The following NXPE2 variants were observed in gnomAD, a reference collection of about 807,000 sequenced individuals.
NXPE2 encodes the protein NXPE family member 2.
A neutral mutation model predicts 34.4 loss-of-function variants in NXPE2; 34 were observed. The ratio of observed to expected loss-of-function variants is 0.99; its 90% CI spans 0.75 to 1.31. NXPE2 has a LOEUF of 1.31. Ranked by LOEUF, NXPE2 falls within the 40% of genes most tolerant of loss-of-function variation. NXPE2 has a pLI of 0.00. For missense variants in NXPE2, 649 were observed against 672.5 expected (o/e 0.97, Z 0.39); for synonymous variants, 235 against 231.3 (o/e 1.02, Z -0.15).
chr11:114,522,878 C>A, the NXPE2 span: 29 of 1,606,824 alleles, frequency 1.8e-5, no homozygotes, highest in African/African-American at 3.7e-4. Context: ...TAACTACCTA[C>A]TTTTTACAAC....
chr11:114,738,665 A>G, the NXPE2 span, among the ~76,000 whole-genome samples: 6 of 152,152 alleles, frequency 3.9e-5, no homozygotes, highest in Admixed American at 3.9e-4. Flanking sequence ...TTCAACCTTC[A>G]ACTATAATGA....
At chr11:114,553,862 A>C in the NXPE2 span, 1 of 960,920 alleles carries the variant, frequency 1.0e-6, no homozygotes, top group Non-Finnish European at 1.2e-6. Flanking sequence ...TGGTAGCTTG[A>C]AATAGGCCAT....
chr11:114,525,153 A>C, the NXPE2 span, among the ~76,000 whole-genome samples: 1 of 151,692 alleles, frequency 6.6e-6, no homozygotes, highest in Non-Finnish European at 1.5e-5. Flanking sequence ...AGACATAAAC[A>C]TGGCTTCTGC....
At chr11:114,626,768 T>C in the NXPE2 span, among the ~76,000 whole-genome samples, 1 of 151,984 alleles carries the variant, frequency 6.6e-6, no homozygotes, top group Non-Finnish European at 1.5e-5. Flanking sequence ...TTGAAAACTT[T>C]GAAAAAAATT....
the NXPE2 span, among the ~76,000 whole-genome samples, chr11:114,496,882 C>T: frequency 1.3e-5 from 2 of 152,122 alleles, no homozygotes; most frequent in African/African-American, 2.4e-5. Flanking sequence ...TGTGCTGATG[C>T]TGGTGTAAAC....
At chr11:114,504,918 A>C in the NXPE2 span, among the ~76,000 whole-genome samples, 1 of 152,188 alleles carries the variant, frequency 6.6e-6, no homozygotes, top group East Asian at 1.9e-4. Flanking sequence ...AATTTAGTAT[A>C]TGGACAGGTA....
the NXPE2 span, among the ~76,000 whole-genome samples, chr11:114,725,822 A>T: frequency 6.6e-6 from 1 of 151,678 alleles, no homozygotes. Context: ...TTGGTTTCAC[A>T]TCCTCATTGT....
chr11:114,751,970 G>A, the NXPE2 span, among the ~76,000 whole-genome samples: 2 of 152,336 alleles, frequency 1.3e-5, no homozygotes, highest in East Asian at 3.9e-4. Flanking sequence ...AATATGGGCA[G>A]CCTCTAGAAT....
the NXPE2 span, among the ~76,000 whole-genome samples, chr11:114,549,849 T>C: frequency 6.6e-6 from 1 of 151,912 alleles, no homozygotes; most frequent in East Asian, 1.9e-4. Flanking sequence ...AATGGAGAAA[T>C]GACTACAAAT....
At chr11:114,606,659 G>A in the NXPE2 span, among the ~76,000 whole-genome samples, 1 of 152,006 alleles carries the variant, frequency 6.6e-6, no homozygotes, top group African/African-American at 2.4e-5. Context: ...TTACTCGGTG[G>A]ATAGTAAGTA....
At chr11:114,546,444 T>TA in the NXPE2 span, among the ~76,000 whole-genome samples, 2 of 149,978 alleles carry the variant, frequency 1.3e-5, no homozygotes, top group Admixed American at 1.3e-4. Context: ...CTGGCTAGTA[T>TA]CATACATATA....
the NXPE2 span, chr11:114,522,168 C>G: frequency 1.2e-5 from 19 of 1,614,020 alleles, no homozygotes; most frequent in Admixed American, 1.5e-4. Context: ...ATGTGCATCT[C>G]CCTGATGTTT....
the NXPE2 span, chr11:114,551,118 A>C: frequency 6.6e-7 from 1 of 1,522,642 alleles, no homozygotes; most frequent in South Asian, 1.2e-5. Flanking sequence ...TGAAGTTCTG[A>C]GAAATTATAA....
chr11:114,629,088 G>C, the NXPE2 span, among the ~76,000 whole-genome samples: 1 of 152,036 alleles, frequency 6.6e-6, no homozygotes, highest in Non-Finnish European at 1.5e-5. Flanking sequence ...AATTCTACCA[G>C]AGGTACAAGG....
the NXPE2 span, among the ~76,000 whole-genome samples, chr11:114,634,806 C>G: frequency 6.6e-6 from 1 of 151,962 alleles, no homozygotes; most frequent in Non-Finnish European, 1.5e-5. Context: ...GGGCTCTGTT[C>G]TGTTCCATTG....
chr11:114,600,332 T>G, the NXPE2 span, among the ~76,000 whole-genome samples: 1 of 152,084 alleles, frequency 6.6e-6, no homozygotes, highest in Non-Finnish European at 1.5e-5. Context: ...TCAAAACAAT[T>G]AAAAGTCTTC....
chr11:114,721,908 A>G, the NXPE2 span, among the ~76,000 whole-genome samples: 689 of 152,272 alleles, frequency 4.5e-3, 5 homozygotes, highest in African/African-American at 0.016. Flanking sequence ...ATGTAAGTGG[A>G]AAAGAGAAAG....
At chr11:114,634,879 G>C in the NXPE2 span, among the ~76,000 whole-genome samples, 1 of 152,010 alleles carries the variant, frequency 6.6e-6, no homozygotes, top group Non-Finnish European at 1.5e-5. Context: ...GTGTAGTATA[G>C]TTTGAAGTCA....
the NXPE2 span, among the ~76,000 whole-genome samples, chr11:114,724,674 C>T: frequency 0.23 from 34,718 of 151,750 alleles, 4,423 homozygotes; most frequent in East Asian, 0.37. Context: ...GCACACCCCC[C>T]GCCACCACCA....
Sources: gnomAD v4.1 joint callset for allele counts (sites outside exome capture counted in the v4.1 genomes callset) on GRCh38, gnomAD v4.1.1 for gene constraint, MANE v1.5 for transcripts, NCBI Gene and HGNC (gene_info 2026-07-23, HGNC 2026-07-21) for gene names.